The following MFSD12 variants were observed in gnomAD, a reference collection of about 807,000 sequenced individuals.
The protein encoded by MFSD12 is major facilitator superfamily domain-containing protein 12.
Under a neutral mutation model 51.2 loss-of-function variants are expected in MFSD12, and 67 were observed. The observed-to-expected ratio is 1.31, with a 90% CI of 1.08 to 1.60. MFSD12 has a LOEUF of 1.60. Ranked by LOEUF, MFSD12 falls within the 40% of genes most tolerant of loss-of-function variation. MFSD12 has a pLI of 0.00. For missense variants in MFSD12, 921 were observed against 673.0 expected (o/e 1.37, Z -4.08); for synonymous variants, 441 against 316.7 (o/e 1.39, Z -4.17).
rs567941021 is a variant in MFSD12 at position 3,555,570 on chromosome 19, T to A, written c.298+1536A>T. ...CGCCTCAGGTACCCCAGGAATAGCC[T>A]GGACATAGGAAACATGAAACTCCAG... On this transcript the variant is annotated intron_variant, in intron 1 of 9. Coordinates refer to ENST00000355415, the MANE Select transcript of MFSD12 (RefSeq NM_174983.5). Among the ~76,000 whole-genome samples the A allele has an allele frequency of 2.4e-4, 36 of 152,282 alleles. 1 individual carries two copies. The East Asian group carries it at 6.6e-3, about 28-fold the overall frequency.
Position 3,557,170 on chromosome 19 carries a change from G to T in MFSD12, c.234C>A (p.Tyr78Ter), listed in dbSNP as rs1006421935. 1 of 1,535,768 alleles carries T rather than the reference G, an allele frequency of 6.5e-7. No homozygotes were observed. The highest frequency in any genetic ancestry group is 8.7e-7 in the Non-Finnish European group (1 of 1,143,414). Residue 78 changes from tyrosine (Y) to a stop codon, truncating the protein, a stop_gained, in exon 1 of 10, where the codon TAC becomes TAA. Transcript: ENST00000355415. LOFTEE classifies it high-confidence loss of function. ...ADGLCTPLVG[Y>*]EADRAASCCA... ...AGCAGCTGGCGGCGCGGTCGGCCTC[G>T]TAGCCCACGAGCGGTGTGCACAGCC...
At position 3,538,358 on chromosome 19, in the gene MFSD12, C is replaced by T. The variant is rs145118869; in HGVS notation, c.*404G>A. 367 of 225,174 alleles carry T rather than the reference C, an allele frequency of 1.6e-3. 3 individuals are homozygous for T. The highest frequency in any genetic ancestry group is 8.1e-3 in the African/African-American group (349 of 43,254). The allele number at this position is 225,174 out of a possible 1,614,324, so 13.9% of individuals were successfully genotyped here. ...GAGGTGGCGTTCAGTACCTTCACCACGCCGTGCAGCCATCCCATCTGATTC... is the reference window on the plus strand; with the variant it reads ...GAGGTGGCGTTCAGTACCTTCACCATGCCGTGCAGCCATCCCATCTGATTC... On this transcript the variant is annotated 3_prime_UTR_variant, in exon 5 of 5. Transcript: ENST00000398558.
At chr19:3,545,696 C>G (rs72976624) in intron 8 of MFSD12, among the ~76,000 whole-genome samples, 2 of 152,224 alleles carry the variant, frequency 1.3e-5, no homozygotes, top group Non-Finnish European at 2.9e-5. Context: ...AGGCCCAGAC[C>G]GGCTGTGGTT....
At chr19:3,543,180 G>T, downstream of MFSD12, 1 of 1,526,240 alleles carries the variant, frequency 6.6e-7, no homozygotes, top group Non-Finnish European at 8.8e-7. Flanking sequence ...TCGCAAAGGG[G>T]TCAAAGCACT....
At chr19:3,548,386 A>C (rs1236192429) in intron 2 of MFSD12, 119 bp from the exon 3 acceptor site, 3 of 1,334,428 alleles carry the variant, frequency 2.2e-6, no homozygotes, top group Non-Finnish European at 3.0e-6. Context: ...GATTCCAACC[A>C]CTGCCACACT....
At chr19:3,552,600 G>C (rs999886459) in intron 1 of MFSD12, among the ~76,000 whole-genome samples, 2 of 147,868 alleles carry the variant, frequency 1.4e-5, no homozygotes, top group African/African-American at 2.5e-5. Flanking sequence ...TCAGCCTCCC[G>C]TGTAGCTGGG....
downstream of MFSD12, chr19:3,541,823 T>C (rs1243217974): frequency 2.0e-6 from 2 of 983,026 alleles, no homozygotes; most frequent in Non-Finnish European, 1.2e-6. Context: ...GTTTTGTTTG[T>C]GTTGAGACAG....
In MFSD12 at chr19:3,544,727, G is replaced by T. The variant is rs7252640; in HGVS notation, c.1426C>A (p.Arg476Ser). ...GTCAGGAGTCAGGGCCGGGCATCAC[G>T]GTCCCCTGCAAGGGAGGGGTGGAAA... is the stretch of plus-strand genomic sequence containing the variant. Reference protein sequence around the residue: ...LWPTRLRRWDRDARP With the variant: ...LWPTRLRRWDSDARP Residue 476 changes from arginine (R) to serine (S), a missense_variant, in exon 10 of 10, where the codon CGT becomes AGT. Physicochemically the swap from Arg to Ser is moderately radical, Grantham distance 110. Transcript: ENST00000355415. The T allele has an allele frequency of 1.9e-6, 3 of 1,603,352 alleles. No homozygotes were observed. The highest frequency in any genetic ancestry group is 1.3e-5 in the African/African-American group (1 of 74,642).
At chr19:3,543,720 G>A, downstream of MFSD12, 1 of 1,498,778 alleles carries the variant, frequency 6.7e-7, no homozygotes, top group Non-Finnish European at 8.9e-7. Flanking sequence ...GAGGCCAGGG[G>A]GACAAGGCCA....
downstream of MFSD12, chr19:3,543,568 C>A (rs1181791639): frequency 2.6e-6 from 4 of 1,541,052 alleles, no homozygotes; most frequent in Admixed American, 2.0e-5. Context: ...ACACCCAGCA[C>A]CTGCGGGAGA....
In MFSD12 at chr19:3,544,879, C is replaced by G. The variant is rs373903338; in HGVS notation, c.1350G>C (p.Thr450=). The G allele has an allele frequency of 1.9e-6, 3 of 1,611,814 alleles. No homozygotes were observed. Among genetic ancestry groups the G allele is most frequent in the Middle Eastern group, 1.7e-4 (1 of 6,028 alleles). ...GGGCAGCGGCCACGCCCACGCCGCCCGTCACAGCCACCATCGCCCAGTGGT... is the reference window on the plus strand; with the variant it reads ...GGGCAGCGGCCACGCCCACGCCGCCGGTCACAGCCACCATCGCCCAGTGGT... The part of the protein sequence containing the change: ...SFYHWAMVAV[T]GGVGVAAALC... Residue 450 remains threonine, a synonymous_variant, in exon 9 of 10, where the codon ACG becomes ACC. Coordinates refer to ENST00000355415, the MANE Select transcript of MFSD12 (RefSeq NM_174983.5).
At chr19:3,542,794 C>T (rs201293682), downstream of MFSD12, 214 of 1,369,906 alleles carry the variant, frequency 1.6e-4, no homozygotes, top group Admixed American at 1.5e-4. Context: ...GTGGGTCCCC[C>T]AGTCTTCCCT....
intron 8 of MFSD12, among the ~76,000 whole-genome samples, chr19:3,545,756 G>C (rs2030958990): frequency 6.6e-6 from 1 of 152,248 alleles, no homozygotes; most frequent in Admixed American, 6.5e-5. Context: ...CTGTGGTCTA[G>C]AACCATCCAT....
At position 3,551,150 on chromosome 19, in the gene MFSD12, A is replaced by T. The variant is rs772621011; in HGVS notation, c.343T>A (p.Cys115Ser). Residue 115 changes from cysteine (C) to serine (S), a missense_variant, in exon 2 of 10, where the codon TGC becomes AGC. Cys to Ser is a moderately radical substitution (Grantham distance 112). Transcript: ENST00000355415. The surrounding 1 kb of genome is among the most constrained non-coding windows in gnomAD (Gnocchi z 4.6). ...LLSFPFIFSP[C>S]LGCGAATPEW... ...GGCGTGGCCGCCCCACAGCCCAGGCAGGGGCTGAAGATGAAGGGGAAGGAC... is the reference window on the plus strand; with the variant it reads ...GGCGTGGCCGCCCCACAGCCCAGGCTGGGGCTGAAGATGAAGGGGAAGGAC... The T allele has an allele frequency of 6.2e-7, 1 of 1,612,554 alleles. No individual in the cohort carries two copies.
Position 3,544,614 on chromosome 19 carries a change from G to T in MFSD12, c.*96C>A. The T allele has an allele frequency of 6.7e-7, 1 of 1,492,268 alleles. No homozygotes were observed. The highest frequency in any genetic ancestry group is 9.0e-7 in the Non-Finnish European group (1 of 1,117,150). The allele number at this position is 1,492,268 out of a possible 1,614,324, so 92.4% of individuals were successfully genotyped here. ...GGATGGAGGGTGGGGGTCCAGAGAA[G>T]AGTGAGGGGCAGTGGGGGCTTTTCC... On this transcript the variant is annotated 3_prime_UTR_variant, in exon 10 of 10. Transcript: ENST00000355415.
intron 2 of MFSD12, among the ~76,000 whole-genome samples, chr19:3,549,510 G>C (rs1286902834): frequency 2.6e-5 from 4 of 151,996 alleles, no homozygotes; most frequent in Admixed American, 6.6e-5. Flanking sequence ...GATCACTGAG[G>C]TCAGGAGTTC....
downstream of MFSD12, chr19:3,539,306 T>TC: frequency 1.3e-6 from 1 of 754,902 alleles, no homozygotes; most frequent in Non-Finnish European, 1.7e-6. Flanking sequence ...CCTCCCTCCC[T>TC]CCCTCCCTGG....
At chr19:3,552,164 A>G (rs551310356) in intron 1 of MFSD12, among the ~76,000 whole-genome samples, 4 of 151,582 alleles carry the variant, frequency 2.6e-5, no homozygotes, top group Non-Finnish European at 5.9e-5. Flanking sequence ...GGGCATTTCA[A>G]TATCTATTTT....
chr19:3,553,406 G>A (rs1203813710), intron 1 of MFSD12, among the ~76,000 whole-genome samples: 2 of 151,316 alleles, frequency 1.3e-5, no homozygotes, highest in Non-Finnish European at 2.9e-5. Context: ...CCAGGAGGTC[G>A]AGGCTGCAGT....
Sources: gnomAD v4.1 joint callset for allele counts (sites outside exome capture counted in the v4.1 genomes callset) on GRCh38, gnomAD v4.1.1 for gene constraint, Gnocchi (gnomAD v3.1) non-coding constraint, MANE v1.5 for transcripts, NCBI Gene and HGNC (gene_info 2026-07-23, HGNC 2026-07-21) for gene names.